ADAM9: variants seen among roughly 807,000 people sequenced by gnomAD.
The protein encoded by ADAM9 is ADAM metallopeptidase domain 9, also known as disintegrin and metalloproteinase domain-containing protein 9.
A neutral mutation model predicts 108.1 loss-of-function variants in ADAM9; 54 were observed. The observed-to-expected ratio is 0.50, with a 90% confidence interval of 0.40 to 0.63. The LOEUF (loss-of-function observed/expected upper bound fraction) is 0.63. Ranked by LOEUF, ADAM9 falls within the 20% of genes least tolerant of loss-of-function variation. ADAM9 has a pLI of 0.00. For missense variants in ADAM9, 830 were observed against 997.7 expected (o/e 0.83, Z 2.26); for synonymous variants, 316 against 336.0 (o/e 0.94, Z 0.65).
chr8:39,019,042 A>G, intron 7 of ADAM9, 124 bp downstream of exon 7: 6 of 1,026,830 alleles, frequency 5.8e-6, no homozygotes, highest in Non-Finnish European at 8.8e-6. Flanking sequence ...TTTTAAAACT[A>G]AAATGGTTTT....
chr8:39,004,032 C>G (rs922100601), intron 1 of ADAM9, among the ~76,000 whole-genome samples: 2 of 152,026 alleles, frequency 1.3e-5, no homozygotes, highest in Non-Finnish European at 1.5e-5. Context: ...GTAACTGAAC[C>G]TGTTTCAAAA....
At chr8:39,044,903 CACAT>C (rs1350870220) in intron 12 of ADAM9, among the ~76,000 whole-genome samples, 9 of 142,834 alleles carry the variant, frequency 6.3e-5, no homozygotes, top group East Asian at 6.1e-4. Context: ...TGTGTGTGCA[CACAT>C]ACATATGTAT....
chr8:39,034,105 C>T (rs1837192601), intron 11 of ADAM9, among the ~76,000 whole-genome samples: 1 of 152,062 alleles, frequency 6.6e-6, no homozygotes. Context: ...GTTGCCCAGG[C>T]TGGTTTTGAA....
intron 16 of ADAM9, among the ~76,000 whole-genome samples, chr8:39,081,384 A>C (rs1839020268): frequency 6.6e-6 from 1 of 152,232 alleles, no homozygotes; most frequent in Non-Finnish European, 1.5e-5. Context: ...TCTGCCAGTT[A>C]TTAACACATT....
chr8:39,036,168 T>A (rs1837268884), intron 11 of ADAM9, among the ~76,000 whole-genome samples: 1 of 152,118 alleles, frequency 6.6e-6, no homozygotes, highest in South Asian at 2.1e-4. Context: ...TTTATGATAT[T>A]TTGGGGGCAC....
chr8:39,062,643 T>C (rs1004397678), intron 14 of ADAM9, among the ~76,000 whole-genome samples: 2 of 152,236 alleles, frequency 1.3e-5, no homozygotes, highest in Non-Finnish European at 2.9e-5. Context: ...GGTGGTTGAA[T>C]GTTGACACTT....
intron 11 of ADAM9, among the ~76,000 whole-genome samples, chr8:39,035,836 C>T (rs1208292341): frequency 6.6e-6 from 1 of 151,434 alleles, no homozygotes; most frequent in Non-Finnish European, 1.5e-5. Context: ...CAAAACAAAA[C>T]AAAACAAAAA....
At chr8:39,086,215 C>T (rs571801070) in intron 18 of ADAM9, among the ~76,000 whole-genome samples, 3 of 152,110 alleles carry the variant, frequency 2.0e-5, no homozygotes, top group Non-Finnish European at 4.4e-5. Flanking sequence ...GGGTTTTACG[C>T]TGTTGGCCAG....
At chr8:39,044,155 A>G (rs1837538793) in intron 12 of ADAM9, among the ~76,000 whole-genome samples, 1 of 152,166 alleles carries the variant, frequency 6.6e-6, no homozygotes. Context: ...TATCCATGAA[A>G]TCATTGCCAA....
chr8:39,002,999 C>T (rs1332896180), intron 1 of ADAM9, among the ~76,000 whole-genome samples: 1 of 152,138 alleles, frequency 6.6e-6, no homozygotes, highest in African/African-American at 2.4e-5. Context: ...GCCTCAGCCT[C>T]CCGAGTAGCT....
intron 14 of ADAM9, among the ~76,000 whole-genome samples, chr8:39,059,050 G>C (rs570859698): frequency 6.6e-6 from 1 of 152,316 alleles, no homozygotes; most frequent in South Asian, 2.1e-4. Flanking sequence ...TCAGGATGGT[G>C]GGGAAGGAAC....
chr8:39,080,845 A>T (rs1045361745), intron 16 of ADAM9, among the ~76,000 whole-genome samples: 1 of 151,768 alleles, frequency 6.6e-6, no homozygotes, highest in Non-Finnish European at 1.5e-5. Context: ...CCTATAGTCA[A>T]GTTTGCTCTA....
chr8:38,997,626 T>C (rs547669361), intron 1 of ADAM9, among the ~76,000 whole-genome samples: 62 of 152,310 alleles, frequency 4.1e-4, no homozygotes, highest in African/African-American at 1.4e-3. Context: ...GATGAAACTT[T>C]TGCTGCAGGT....
rs112163056 is a variant in ADAM9, at chr8:39,031,686, C to G, written c.1130+4876C>G. On this transcript the variant is annotated intron_variant, in intron 11 of 21. Coordinates refer to ENST00000487273, the MANE Select transcript of ADAM9 (RefSeq NM_003816.3). The stretch of plus-strand genomic sequence containing the variant: ...AAGTCATTCTCTGTCCAGCTTTGTT[C>G]CGTTGCTGGCGAGGAGCTGTGATCC... 6.3e-3 allele frequency among the ~76,000 whole-genome samples: 966 copies of G among 152,298 alleles called. 11 individuals are homozygous for G. Among genetic ancestry groups the G allele is most frequent in the African/African-American group, 0.022 (921 of 41,560 alleles).
rs1564301397 is a variant in ADAM9 at position 39,045,395 on chromosome 8, C to CAT, written c.1302+3279_1302+3280insTA. Among the ~76,000 whole-genome samples the CAT allele has an allele frequency of 9.2e-5, 10 of 109,262 alleles. 1 individual carries two copies. The highest frequency in any genetic ancestry group is 3.3e-4 in the African/African-American group (8 of 24,128). The allele number at this position is 109,262 out of a possible 152,430, so 71.7% of individuals were successfully genotyped here. A position where few individuals can be genotyped will look rare whatever the true frequency, so the allele number is the denominator to read the frequency against. On this transcript the variant is annotated intron_variant, in intron 12 of 21. Transcript: ENST00000487273. Reference sequence around the variant, plus strand: ...GTACATACACCTATAGGTGTGTGTACACACACCTATATGTGCGCGTGTGTA... The same window carrying CAT: ...GTACATACACCTATAGGTGTGTGTACATACACACCTATATGTGCGCGTGTGTA...
chr8:39,056,075 T>G (rs560053735), intron 14 of ADAM9, among the ~76,000 whole-genome samples: 1 of 152,270 alleles, frequency 6.6e-6, no homozygotes, highest in East Asian at 1.9e-4. Flanking sequence ...ATTTGCATTG[T>G]TCACTCAGAA....
chr8:39,021,163 C>T (rs989130011), intron 7 of ADAM9, among the ~76,000 whole-genome samples: 17 of 152,266 alleles, frequency 1.1e-4, no homozygotes, highest in Admixed American at 3.3e-4. Flanking sequence ...TCTTTTATTC[C>T]TGTCACTACA....
chr8:39,079,572 A>G (rs1194563202), intron 16 of ADAM9, among the ~76,000 whole-genome samples: 1 of 151,894 alleles, frequency 6.6e-6, no homozygotes, highest in African/African-American at 2.4e-5. Context: ...ATTTGACATA[A>G]GCCTATTTTA....
Position 39,082,662 on chromosome 8 carries a change from G to A in ADAM9, c.1903G>A (p.Val635Ile). Residue 635 changes from valine to isoleucine, a missense_variant, in exon 17 of 22, where the codon GTA (valine) becomes ATA (isoleucine). This residue lies in a region of ADAM9 where 238 missense variants were observed against 235.7 expected (regional missense o/e 1.01). Coordinates refer to ENST00000487273, the MANE Select transcript of ADAM9 (RefSeq NM_003816.3). Reference sequence around the variant, plus strand: ...TCAGATCTGTAGAAACTTCCAGTGTGTAGATGCTTCTGTTCTGAATTATGA... The same window carrying A: ...TCAGATCTGTAGAAACTTCCAGTGTATAGATGCTTCTGTTCTGAATTATGA... ...AGKICRNFQC[V>I]DASVLNYDCD... 1.9e-6 allele frequency: 3 copies of A among 1,610,356 alleles called. No homozygotes were observed. The highest frequency in any genetic ancestry group is 2.5e-6 in the Non-Finnish European group (3 of 1,178,042).
Sources: gnomAD v4.1 joint callset for allele counts (sites outside exome capture counted in the v4.1 genomes callset) on GRCh38, gnomAD v4.1.1 for gene constraint, gnomAD v4.1.1 regional missense constraint, MANE v1.5 for transcripts, NCBI Gene and HGNC (gene_info 2026-07-23, HGNC 2026-07-21) for gene names.